The following SEMA6A variants were observed in gnomAD, a reference collection of about 807,000 sequenced individuals.
SEMA6A encodes the protein semaphorin-6A.
Under a neutral mutation model 96.8 loss-of-function variants are expected in SEMA6A, and 25 were observed. That is an observed-to-expected ratio of 0.26 (90% CI 0.19 to 0.36). The LOEUF is 0.36. SEMA6A is among the 10% of genes least tolerant of loss of function. The probability of loss-of-function intolerance (pLI) is 1.00; values close to 1 mark genes in which losing one functional copy is unlikely to be tolerated. For missense variants in SEMA6A, 1,363 were observed against 1,323.1 expected (o/e 1.03, Z -0.47); for synonymous variants, 612 against 518.0 (o/e 1.18, Z -2.46).
At chr5:116,450,906 T>G (rs1754588184) in intron 18 of SEMA6A, among the ~76,000 whole-genome samples, 1 of 152,214 alleles carries the variant, frequency 6.6e-6, no homozygotes, top group Admixed American at 6.5e-5. Context: ...CTTTCAAACT[T>G]AAAGCTTTCT....
intron 1 of SEMA6A, among the ~76,000 whole-genome samples, chr5:116,540,210 T>A (rs1759897410): frequency 6.6e-6 from 1 of 152,260 alleles, no homozygotes; most frequent in African/African-American, 2.4e-5. Context: ...TAAAACAGTA[T>A]ATTTTAAATT....
chr5:116,466,530 C>G (rs1755768419), intron 18 of SEMA6A, among the ~76,000 whole-genome samples: 1 of 152,070 alleles, frequency 6.6e-6, no homozygotes, highest in South Asian at 2.1e-4. Context: ...AGCAGAGTGC[C>G]CAGCACTCTC....
rs774042702 is a variant in SEMA6A at position 116,504,981 on chromosome 5, C to A, written c.-37G>T. On this transcript the variant is annotated splice_region_variant and 5_prime_UTR_variant, in exon 2 of 19. Coordinates refer to ENST00000343348, the MANE Select transcript of SEMA6A (RefSeq NM_020796.5). Reference sequence around the variant, plus strand: ...GGGGAGACTTTATTTCTCTACTTCACCCTGCCAAAAAGTAAAGAACAGATT... The same window carrying A: ...GGGGAGACTTTATTTCTCTACTTCAACCTGCCAAAAAGTAAAGAACAGATT... The A allele has an allele frequency of 7.0e-7, 1 of 1,434,752 alleles. No homozygotes were observed. Among genetic ancestry groups the A allele is most frequent in the South Asian group, 1.2e-5 (1 of 81,682 alleles). The allele number at this position is 1,434,752 out of a possible 1,614,324, so 88.9% of individuals were successfully genotyped here.
intron 1 of SEMA6A, among the ~76,000 whole-genome samples, chr5:116,507,393 G>A (rs139690999): frequency 6.6e-5 from 10 of 152,156 alleles, no homozygotes; most frequent in Non-Finnish European, 1.3e-4. Context: ...ATTACTTTGC[G>A]GAGGGATCCC....
In SEMA6A at chr5:116,512,384, A is replaced by G. The variant is rs74361572; in HGVS notation, c.-38-7402T>C. On this transcript the variant is annotated intron_variant, in intron 1 of 18. Coordinates refer to ENST00000343348, the MANE Select transcript of SEMA6A (RefSeq NM_020796.5). ...TTTCCTCCTTCTCTCAGCCATTAAG[A>G]GAGACATAAAAGCACCCATTTTGGA... is the stretch of plus-strand genomic sequence containing the variant. 4.0e-3 allele frequency among the ~76,000 whole-genome samples: 605 copies of G among 152,312 alleles called. 3 individuals are homozygous for G. The highest frequency in any genetic ancestry group is 0.014 in the African/African-American group (567 of 41,568).
chr5:116,478,434 T>C, intron 13 of SEMA6A, 108 bp downstream of exon 13: 1 of 1,195,572 alleles, frequency 8.4e-7, no homozygotes, highest in Non-Finnish European at 1.2e-6. Context: ...CACTAAAAAG[T>C]CATCTAAAAA....
At chr5:116,520,976 G>GTAA (rs1455660410) in intron 1 of SEMA6A, among the ~76,000 whole-genome samples, 2 of 152,108 alleles carry the variant, frequency 1.3e-5, no homozygotes, top group Non-Finnish European at 2.9e-5. Flanking sequence ...TAATGTCCCT[G>GTAA]GAATCAAAAG....
chr5:116,472,059 A>G (rs1756177055), intron 17 of SEMA6A, among the ~76,000 whole-genome samples: 1 of 152,248 alleles, frequency 6.6e-6, no homozygotes, highest in Admixed American at 6.5e-5. Flanking sequence ...AGCTTGCATT[A>G]TAATGCAGAG....
chr5:116,508,887 A>G (rs1758269280), intron 1 of SEMA6A, among the ~76,000 whole-genome samples: 1 of 152,214 alleles, frequency 6.6e-6, no homozygotes, highest in Non-Finnish European at 1.5e-5. Context: ...CTACCCAGGT[A>G]CAGGACATCA....
At position 116,478,610 on chromosome 5, in the gene SEMA6A, T is replaced by A; in HGVS notation, c.1359A>T (p.Arg453Ser). 1 of 1,613,548 alleles carries A rather than the reference T, an allele frequency of 6.2e-7. No individual in the cohort carries two copies. The highest frequency in any genetic ancestry group is 8.5e-7 in the Non-Finnish European group (1 of 1,179,750). Reference sequence around the variant, plus strand: ...CATTTAGAAAACCACTATTTCCTATTCTGGCCAAAAACTTCAAGATGATTC... The same window carrying A: ...CATTTAGAAAACCACTATTTCCTATACTGGCCAAAAACTTCAAGATGATTC... ...EKGIILKFLARIGNSGFLNDS... is the reference protein window; with the variant it reads ...EKGIILKFLASIGNSGFLNDS... The change falls in exon 13 of 19, where the codon AGA becomes AGT. Residue 453 changes from arginine (R) to serine (S), a missense_variant. Coordinates refer to ENST00000343348, the MANE Select transcript of SEMA6A (RefSeq NM_020796.5).
chr5:116,487,489 A>G (rs1370595773), intron 9 of SEMA6A, among the ~76,000 whole-genome samples: 1 of 152,136 alleles, frequency 6.6e-6, no homozygotes, highest in East Asian at 1.9e-4. Flanking sequence ...GATACTGCAT[A>G]GTTACAGTCT....
intron 1 of SEMA6A, among the ~76,000 whole-genome samples, chr5:116,529,761 G>A (rs962518469): frequency 2.6e-5 from 4 of 152,098 alleles, no homozygotes; most frequent in African/African-American, 9.7e-5. Flanking sequence ...AATACTGCAT[G>A]TTCTCACTTA....
rs577944854 is a variant in SEMA6A at position 116,447,641 on chromosome 5, TCTC to T, written c.2062_2064del (p.Glu688del). On this transcript the variant is annotated inframe_deletion, in exon 19 of 19. Coordinates refer to ENST00000343348, the MANE Select transcript of SEMA6A (RefSeq NM_020796.5). ...CCCCGGCGCGAGTGGGTGAGCTCCTTCTCCTTGCGCTGCACCACAGCCACGTCT... is the reference window on the plus strand; with the variant it reads ...CCCCGGCGCGAGTGGGTGAGCTCCTTCTTGCGCTGCACCACAGCCACGTCT... The T allele has an allele frequency of 6.2e-7, 1 of 1,613,970 alleles. No individual in the cohort carries two copies. Among genetic ancestry groups the T allele is most frequent in the South Asian group, 1.1e-5 (1 of 91,082 alleles).
Position 116,482,544 on chromosome 5 carries a change from T to C in SEMA6A, c.994A>G (p.Met332Val). ...GTAAAAACACTGGCAATGTCAAGCA[T>C]GTCATAGGCACAGACTGCAGACCCA... ...IPGSAVCAYDMLDIASVFTGR... is the reference protein window; with the variant it reads ...IPGSAVCAYDVLDIASVFTGR... Residue 332 changes from methionine (M) to valine (V), a missense_variant, in exon 11 of 19, where the codon ATG becomes GTG. Coordinates refer to ENST00000343348, the MANE Select transcript of SEMA6A (RefSeq NM_020796.5). The C allele has an allele frequency of 6.2e-7, 1 of 1,613,702 alleles. No individual in the cohort carries two copies. The highest frequency in any genetic ancestry group is 8.5e-7 in the Non-Finnish European group (1 of 1,179,686).
intron 1 of SEMA6A, among the ~76,000 whole-genome samples, chr5:116,524,791 C>CACACACACACACAGACACACACAG (rs1554090345): frequency 4.6e-5 from 7 of 151,634 alleles, no homozygotes; most frequent in Non-Finnish European, 1.0e-4. Context: ...CACACACAGA[C>CACACACACACACAGACACACACAG]ACACACACAC....
At chr5:116,515,072 G>C (rs1758603396) in intron 1 of SEMA6A, among the ~76,000 whole-genome samples, 1 of 152,210 alleles carries the variant, frequency 6.6e-6, no homozygotes, top group Non-Finnish European at 1.5e-5. Flanking sequence ...AGGGTTGCAT[G>C]ACTGTTCACT....
intron 1 of SEMA6A, among the ~76,000 whole-genome samples, chr5:116,536,620 C>A (rs1759723177): frequency 6.6e-6 from 1 of 151,992 alleles, no homozygotes; most frequent in East Asian, 1.9e-4. Context: ...CAACAAAAAA[C>A]AACAACTGCC....
chr5:116,534,046 C>T (rs1404356271), intron 1 of SEMA6A, among the ~76,000 whole-genome samples: 1 of 152,176 alleles, frequency 6.6e-6, no homozygotes, highest in Non-Finnish European at 1.5e-5. Context: ...AAGTCCTTTC[C>T]TTCATTGCCA....
At chr5:116,453,649 G>C (rs1227841351) in intron 18 of SEMA6A, among the ~76,000 whole-genome samples, 1 of 152,190 alleles carries the variant, frequency 6.6e-6, no homozygotes, top group African/African-American at 2.4e-5. Flanking sequence ...TTTATCTGCA[G>C]TTTCTCTTGC....
Sources: allele counts gnomAD v4.1 joint callset (sites outside exome capture counted in the v4.1 genomes callset), GRCh38; gene constraint gnomAD v4.1.1; transcripts MANE v1.5; gene names NCBI Gene and HGNC (gene_info 2026-07-23, HGNC 2026-07-21).